CHMP3: variants seen among roughly 807,000 people sequenced by gnomAD.
CHMP3 encodes the protein charged multivesicular body protein 3, also known as 25.1 protein.
In CHMP3, 8 loss-of-function variants were observed where a neutral mutation model predicts 27.4. The ratio of observed to expected loss-of-function variants is 0.29; its 90% CI spans 0.17 to 0.53. CHMP3 has a LOEUF of 0.53. Ranked by LOEUF, CHMP3 falls within the 20% of genes least tolerant of loss-of-function variation. The pLI is 0.96. For missense variants in CHMP3, 208 were observed against 271.5 expected (o/e 0.77, Z 1.64); for synonymous variants, 86 against 85.5 (o/e 1.01, Z -0.03).
At chr2:86,547,931 C>T (rs1558659059) in intron 1 of CHMP3, among the ~76,000 whole-genome samples, 3 of 152,204 alleles carry the variant, frequency 2.0e-5, no homozygotes, top group Non-Finnish European at 4.4e-5. Flanking sequence ...TATTCAAATT[C>T]ATTCACAGAG....
intron 1 of CHMP3, among the ~76,000 whole-genome samples, chr2:86,555,657 T>C (rs1338204097): frequency 6.6e-6 from 1 of 152,230 alleles, no homozygotes; most frequent in Non-Finnish European, 1.5e-5. Context: ...CAACTTTTAA[T>C]GGCTACCAGC....
chr2:86,534,803 A>C (rs1676061025), intron 2 of CHMP3, among the ~76,000 whole-genome samples: 1 of 152,190 alleles, frequency 6.6e-6, no homozygotes, highest in East Asian at 1.9e-4. Flanking sequence ...CTATGTCCAC[A>C]AAATATCTTT....
chr2:86,535,856 T>A (rs1676108348), intron 2 of CHMP3, among the ~76,000 whole-genome samples: 1 of 151,290 alleles, frequency 6.6e-6, no homozygotes, highest in African/African-American at 2.4e-5. Context: ...CTCATAAAAC[T>A]CTGTCTCTAC....
At chr2:86,509,541 C>T (rs1354880960) in intron 4 of CHMP3, among the ~76,000 whole-genome samples, 1 of 152,132 alleles carries the variant, frequency 6.6e-6, no homozygotes, top group South Asian at 2.1e-4. Context: ...AGCCTCTATA[C>T]AAGAATTTGA....
Position 86,549,246 on chromosome 2 carries a change from C to CACCTCCCA in CHMP3, c.46-6935_46-6934insTGGGAGGT, listed in dbSNP as rs1342718089. ...AGGGCGGCCGGGCAGAGGCGCTCCT[C>CACCTCCCA]GCCTCCCAGACGGGGCGGCAGGGCA... On this transcript the variant is annotated intron_variant, in intron 1 of 5. Coordinates refer to ENST00000263856, the MANE Select transcript of CHMP3 (RefSeq NM_016079.4). Among the ~76,000 whole-genome samples the CACCTCCCA allele has an allele frequency of 1.2e-3, 172 of 145,838 alleles. 1 individual carries two copies. Among genetic ancestry groups the CACCTCCCA allele is most frequent in the African/African-American group, 4.1e-3 (158 of 38,790 alleles).
At chr2:86,541,451 T>C (rs1210360457) in intron 2 of CHMP3, 1 of 152,146 alleles carries the variant, frequency 6.6e-6, no homozygotes, top group Non-Finnish European at 1.5e-5. Context: ...CCCTGAACCC[T>C]TATCTCTATT....
At chr2:86,520,638 T>C (rs1334781104) in intron 3 of CHMP3, among the ~76,000 whole-genome samples, 2 of 152,218 alleles carry the variant, frequency 1.3e-5, no homozygotes, top group Non-Finnish European at 2.9e-5. Context: ...AAAATGTGTT[T>C]TGATTCAACA....
chr2:86,547,941 G>A (rs538790493), intron 1 of CHMP3, among the ~76,000 whole-genome samples: 2 of 152,196 alleles, frequency 1.3e-5, no homozygotes, highest in African/African-American at 4.8e-5. Context: ...CATTCACAGA[G>A]GTCTATTATA....
At chr2:86,536,743 C>T (rs1321268756) in intron 2 of CHMP3, among the ~76,000 whole-genome samples, 2 of 152,178 alleles carry the variant, frequency 1.3e-5, no homozygotes, top group African/African-American at 4.8e-5. Flanking sequence ...ATATTCCTAT[C>T]TTTCATCAAA....
chr2:86,506,078 G>C lies in CHMP3; in HGVS notation c.524-129C>G, dbSNP rs560474406. The C allele has an allele frequency of 3.6e-5, 42 of 1,156,382 alleles. 1 individual carries two copies. In the South Asian group the frequency reaches 1.4e-3, roughly 38 times the overall value. The allele number at this position is 1,156,382 out of a possible 1,614,324, so 71.6% of individuals were successfully genotyped here. A position where few individuals can be genotyped will look rare whatever the true frequency, so the allele number is the denominator to read the frequency against. On this transcript the variant is annotated intron_variant, in intron 5 of 5. Transcript: ENST00000263856. Reference sequence around the variant, plus strand: ...GAGACAGTACAGCAAGCTGTTTTTGGGGGGGTTTACTCACTCTGGGAAATG... The same window carrying C: ...GAGACAGTACAGCAAGCTGTTTTTGCGGGGGTTTACTCACTCTGGGAAATG...
chr2:86,553,918 G>A (rs1677009881), intron 1 of CHMP3, among the ~76,000 whole-genome samples: 1 of 152,146 alleles, frequency 6.6e-6, no homozygotes, highest in South Asian at 2.1e-4. Flanking sequence ...GATTATACAG[G>A]TTTTCACTGT....
At chr2:86,506,047 A>G (rs1272199034) in intron 5 of CHMP3, 98 bp from the exon 6 acceptor site, 1 of 1,350,744 alleles carries the variant, frequency 7.4e-7, no homozygotes, top group African/African-American at 1.5e-5. Context: ...GACCAGATAC[A>G]AAAATGAGAC....
At chr2:86,519,554 G>A (rs1675445312) in intron 3 of CHMP3, among the ~76,000 whole-genome samples, 1 of 151,878 alleles carries the variant, frequency 6.6e-6, no homozygotes, top group Non-Finnish European at 1.5e-5. Flanking sequence ...GTTTTTATAT[G>A]GTATTTACAG....
intron 5 of CHMP3, among the ~76,000 whole-genome samples, chr2:86,506,328 A>G (rs1674887347): frequency 6.6e-6 from 1 of 152,224 alleles, no homozygotes; most frequent in African/African-American, 2.4e-5. Context: ...AATAAAAATT[A>G]AACCCCACCA....
At chr2:86,537,995 T>C (rs867796308) in intron 2 of CHMP3, among the ~76,000 whole-genome samples, 3 of 152,174 alleles carry the variant, frequency 2.0e-5, no homozygotes, top group African/African-American at 7.2e-5. Flanking sequence ...TTATTCACAA[T>C]AGCCAAAAGG....
At chr2:86,518,818 T>C (rs1237664107) in intron 3 of CHMP3, among the ~76,000 whole-genome samples, 2 of 152,196 alleles carry the variant, frequency 1.3e-5, no homozygotes, top group Non-Finnish European at 2.9e-5. Flanking sequence ...TAAAAGCTAC[T>C]GCAACTGAGA....
intron 1 of CHMP3, among the ~76,000 whole-genome samples, chr2:86,555,996 TA>T (rs1366123254): frequency 1.1e-4 from 17 of 152,334 alleles, no homozygotes; most frequent in Admixed American, 1.0e-3. Flanking sequence ...TAACTTAAAA[TA>T]TTAAAGATTT....
chr2:86,561,216 C>T (rs775557030), intron 1 of CHMP3, among the ~76,000 whole-genome samples: 5 of 152,206 alleles, frequency 3.3e-5, no homozygotes, highest in African/African-American at 1.2e-4. Flanking sequence ...GAATACATAA[C>T]CTCTGGTGCT....
intron 3 of CHMP3, among the ~76,000 whole-genome samples, chr2:86,523,118 T>C (rs1675575386): frequency 6.6e-6 from 1 of 152,216 alleles, no homozygotes; most frequent in Non-Finnish European, 1.5e-5. Context: ...AAAATTGTCA[T>C]CTTCACCTCC....
Sources: gnomAD v4.1 joint callset for allele counts (sites outside exome capture counted in the v4.1 genomes callset) on GRCh38, gnomAD v4.1.1 for gene constraint, MANE v1.5 for transcripts, NCBI Gene and HGNC (gene_info 2026-07-23, HGNC 2026-07-21) for gene names.